Variants in ULK1 observed in about 807,000 individuals in gnomAD.
ULK1 encodes the protein serine/threonine-protein kinase ULK1.
In ULK1, 48 loss-of-function variants were observed where a neutral mutation model predicts 117.5. The observed-to-expected ratio is 0.41, with a 90% confidence interval of 0.32 to 0.52. ULK1 has a LOEUF of 0.52. Ranked by LOEUF, ULK1 falls within the 20% of genes least tolerant of loss-of-function variation. The pLI is 0.29. For synonymous variants in ULK1, 790 were observed against 637.8 expected (o/e 1.24, Z -3.60); for missense variants, 1,387 against 1,473.4 (o/e 0.94, Z 0.96).
intron 8 of ULK1, 47 bp from the exon 9 acceptor site, chr12:131,909,728 C>T (rs918075021): frequency 1.3e-6 from 2 of 1,527,320 alleles, no homozygotes; most frequent in South Asian, 2.4e-5. Context: ...GTGGGCTGGT[C>T]CCGCTCGGCC....
Position 131,919,467 on chromosome 12 carries a change from C to G in ULK1, c.2685-5C>G. ...GGCCTCCTCTGATCTGCCTGCCGCC[C>G]CCAGCTTCGCGGAACAGCTGGTGCT... On this transcript the variant is annotated splice_region_variant and splice_polypyrimidine_tract_variant and intron_variant, in intron 24 of 27. Coordinates refer to ENST00000321867, the MANE Select transcript of ULK1 (RefSeq NM_003565.4). 1 of 1,609,136 alleles carries G rather than the reference C, an allele frequency of 6.2e-7. No individual in the cohort carries two copies. Among genetic ancestry groups the G allele is most frequent in the Non-Finnish European group, 8.5e-7 (1 of 1,178,268 alleles).
chr12:131,897,501 C>T (rs901301675), intron 3 of ULK1: 2 of 152,310 alleles, frequency 1.3e-5, no homozygotes, highest in Non-Finnish European at 2.9e-5. Flanking sequence ...ACACCCACCT[C>T]TCTGCGCCGT....
chr12:131,896,786 T>A (rs1354641959), intron 3 of ULK1: 1 of 149,170 alleles, frequency 6.7e-6, no homozygotes, highest in Admixed American at 6.7e-5. Flanking sequence ...TCTTTCCTCA[T>A]CCTCTCCATG....
chr12:131,922,008 G>C lies in ULK1; in HGVS notation c.*647G>C, dbSNP rs749098899. The C allele has an allele frequency of 2.2e-6, 1 of 454,772 alleles. No homozygotes were observed. 28.2% of individuals were successfully genotyped at this position (454,772 alleles called of 1,614,324 possible). On this transcript the variant is annotated 3_prime_UTR_variant, in exon 28 of 28. Coordinates refer to ENST00000321867, the MANE Select transcript of ULK1 (RefSeq NM_003565.4). ...AGGTCTGGACCTCAGCGGGAGAACT[G>C]GCTCCGGGGGGAGTGGGGCCCTGCG...
At chr12:131,898,725 C>G (rs1006544469) in intron 3 of ULK1, among the ~76,000 whole-genome samples, 4 of 151,700 alleles carry the variant, frequency 2.6e-5, no homozygotes, top group South Asian at 4.2e-4. Context: ...TGGTCTCGAA[C>G]TGACCTCATG....
intron 23 of ULK1, 29 bp from the exon 24 acceptor site, chr12:131,919,183 C>T: frequency 6.3e-7 from 1 of 1,575,570 alleles, no homozygotes; most frequent in South Asian, 1.1e-5. Context: ...CCGGGCAGCA[C>T]TTGCCGCCCT....
chr12:131,920,778 A>C, intron 26 of ULK1: 1 of 357,292 alleles, frequency 2.8e-6, no homozygotes, highest in Non-Finnish European at 5.1e-6. Context: ...AAACATGGGA[A>C]AAGTCAGCCT....
In ULK1 at chr12:131,918,969, A is replaced by C. The variant is rs1209532701; in HGVS notation, c.2512-243A>C. ...GTGTGGGGTGCAGGGTGTGGGGTGC[A>C]GGGTGTGTGGGGTGTCGGGTGTGTG... On this transcript the variant is annotated intron_variant, in intron 23 of 27. Coordinates refer to ENST00000321867, the MANE Select transcript of ULK1 (RefSeq NM_003565.4). Among the ~76,000 whole-genome samples the C allele has an allele frequency of 0.024, 292 of 11,986 alleles. 17 individuals are homozygous for C. The South Asian group carries it at 0.25, about 10-fold the overall frequency. The allele number at this position is 11,986 out of a possible 152,430, so 7.9% of individuals were successfully genotyped here.
At chr12:131,917,652 C>A (rs56816971) in intron 22 of ULK1, 98 bp downstream of exon 22, 52 of 1,196,878 alleles carry the variant, frequency 4.3e-5, no homozygotes, top group Non-Finnish European at 5.2e-5. Flanking sequence ...GGACTACAGC[C>A]CCCCAGAGCC....
intron 14 of ULK1, 45 bp from the exon 15 acceptor site, chr12:131,913,702 C>CCA: frequency 3.1e-6 from 3 of 963,150 alleles, no homozygotes; most frequent in Non-Finnish European, 4.2e-6. Context: ...GAGACTGCCC[C>CCA]AAAAAAAACA....
In ULK1 at chr12:131,903,432, G is replaced by T. The variant is rs759881343; in HGVS notation, c.247-3460G>T. On this transcript the variant is annotated intron_variant, in intron 3 of 27. Transcript: ENST00000321867. This position sits in a 1 kb window ranked among gnomAD's most constrained non-coding sequence, Gnocchi z 6.0. ...CAACCTCTGGGGCCTCAGTGTGCTC[G>T]TATGGGAAGTGGGCTGGTTATGGCC... Among the ~76,000 whole-genome samples, 7 of 152,310 alleles carry T rather than the reference G, an allele frequency of 4.6e-5. No homozygotes were observed. In the East Asian group the frequency reaches 9.6e-4, roughly 21 times the overall value.
chr12:131,920,854 G>A (rs975670672), intron 26 of ULK1: 21 of 525,832 alleles, frequency 4.0e-5, no homozygotes, highest in East Asian at 1.8e-4. Flanking sequence ...ACTGAGCGGC[G>A]GGCACTCTGT....
chr12:131,901,014 G>C (rs1436894770), intron 3 of ULK1, among the ~76,000 whole-genome samples: 2 of 152,102 alleles, frequency 1.3e-5, no homozygotes, highest in Non-Finnish European at 2.9e-5. Flanking sequence ...GGCAGTTCTG[G>C]AATTACCTCC....
chr12:131,919,004 G>GTGTGTGGGGTGTCGGC (rs1433144972), intron 23 of ULK1, among the ~76,000 whole-genome samples: 1 of 143,100 alleles, frequency 7.0e-6, no homozygotes, highest in Non-Finnish European at 1.5e-5. Flanking sequence ...GGGGTGCAGG[G>GTGTGTGGGGTGTCGGC]TGTGTGGGGT....
In ULK1 at chr12:131,895,119, C is replaced by T. The variant is rs1343831704; in HGVS notation, c.111+7C>T. ...CAAGGGCCGCCACCGCGAGGTGAGG[C>T]CCCCGTCCGGCCCGGGATCCCCCGC... On this transcript the variant is annotated splice_region_variant and intron_variant, in intron 1 of 27. Transcript: ENST00000321867. 8 of 1,528,172 alleles carry T rather than the reference C, an allele frequency of 5.2e-6. No homozygotes were observed. The highest frequency in any genetic ancestry group is 7.0e-6 in the Non-Finnish European group (8 of 1,145,116). The allele number at this position is 1,528,172 out of a possible 1,614,324, so 94.7% of individuals were successfully genotyped here.
At position 131,922,363 on chromosome 12, in the gene ULK1, C is replaced by T; in HGVS notation, c.*1002C>T. 1 of 257,122 alleles carries T rather than the reference C, an allele frequency of 3.9e-6. No individual in the cohort carries two copies. The highest frequency in any genetic ancestry group is 3.7e-5 in the South Asian group (1 of 27,352). The allele number at this position is 257,122 out of a possible 1,614,324, so 15.9% of individuals were successfully genotyped here. A position where few individuals can be genotyped will look rare whatever the true frequency, so the allele number is the denominator to read the frequency against. On this transcript the variant is annotated 3_prime_UTR_variant, in exon 28 of 28. Transcript: ENST00000321867. ...CAGCAGGACAGGTGTGTGCCCAGCA[C>T]CCTCCCTACCTGGGCCTGGAAGCAG... is the stretch of plus-strand genomic sequence containing the variant.
rs1180438403 is a variant in ULK1, at chr12:131,921,328, A to G, written c.3120A>G (p.Arg1040=). The change falls in exon 28 of 28, where the codon AGA becomes AGG. Residue 1040 remains arginine (R), a synonymous_variant. Transcript: ENST00000321867. Reference sequence around the variant, plus strand: ...CAGGCAAGCTGTGCATTGAGCGGAGACTCTCGGCGCTGCTGACTGGCATCT... The same window carrying G: ...CAGGCAAGCTGTGCATTGAGCGGAGGCTCTCGGCGCTGCTGACTGGCATCT... The part of the protein sequence containing the change: ...VTKCKLCIER[R]LSALLTGICA 3.1e-6 allele frequency: 5 copies of G among 1,605,386 alleles called. No individual in the cohort carries two copies. Among genetic ancestry groups the G allele is most frequent in the Non-Finnish European group, 4.2e-6 (5 of 1,179,682 alleles).
intron 3 of ULK1, among the ~76,000 whole-genome samples, chr12:131,905,797 C>T (rs1248074976): frequency 3.9e-5 from 6 of 152,220 alleles, no homozygotes; most frequent in East Asian, 1.9e-4. Context: ...TGAGGGTGTA[C>T]GCATGCTGGC....
rs768685353 is a variant in ULK1, at chr12:131,911,996, G to A, written c.1003G>A (p.Ala335Thr). Residue 335 changes from alanine to threonine, a missense_variant, in exon 13 of 28, where the codon GCT (alanine) becomes ACT (threonine). By Grantham distance (58) the Ala-to-Thr change is moderately conservative. This residue lies in a region of ULK1 where 260 missense variants were observed against 271.6 expected (regional missense o/e 0.96). Coordinates refer to ENST00000321867, the MANE Select transcript of ULK1 (RefSeq NM_003565.4). ...GACCCTGGCCTCCCCGGCTGACACC[G>A]CTGGCTTCCTGCACAGCTCCCGGGA... ...QKTLASPADTAGFLHSSRDSG... is the reference protein window; with the variant it reads ...QKTLASPADTTGFLHSSRDSG... The A allele has an allele frequency of 5.0e-6, 8 of 1,612,872 alleles. No homozygotes were observed. Among genetic ancestry groups the A allele is most frequent in the Admixed American group, 3.3e-5 (2 of 60,018 alleles).
Sources: allele counts gnomAD v4.1 joint callset (sites outside exome capture counted in the v4.1 genomes callset), GRCh38; gene constraint gnomAD v4.1.1; regional missense constraint gnomAD v4.1.1; non-coding constraint Gnocchi (gnomAD v3.1); transcripts MANE v1.5; gene names NCBI Gene and HGNC (gene_info 2026-07-23, HGNC 2026-07-21).